MFSD8: variants seen among roughly 807,000 people sequenced by gnomAD.
MFSD8 encodes major facilitator superfamily domain containing 8, also known as major facilitator superfamily domain-containing protein 8.
Under a neutral mutation model 66.4 loss-of-function variants are expected in MFSD8, and 55 were observed. The observed-to-expected ratio is 0.83, with a 90% CI of 0.67 to 1.04. MFSD8 has a LOEUF of 1.04. Ranked by LOEUF, MFSD8 falls within the 50% of genes least tolerant of loss-of-function variation. The pLI is 0.00. For missense variants in MFSD8, 550 were observed against 627.6 expected (o/e 0.88, Z 1.32); for synonymous variants, 202 against 212.8 (o/e 0.95, Z 0.44).
chr4:127,927,278 C>T (rs1051219711), intron 9 of MFSD8, among the ~76,000 whole-genome samples: 1 of 152,126 alleles, frequency 6.6e-6, no homozygotes, highest in East Asian at 1.9e-4. Context: ...TGGGTTCAAG[C>T]GATTCTTGTG....
intron 7 of MFSD8, among the ~76,000 whole-genome samples, chr4:127,935,419 T>A (rs1218027092): frequency 6.6e-6 from 1 of 152,222 alleles, no homozygotes; most frequent in African/African-American, 2.4e-5. Flanking sequence ...CTAGATATCC[T>A]AATTACACAT....
At chr4:127,962,792 T>C (rs1744016573) in intron 1 of MFSD8, among the ~76,000 whole-genome samples, 1 of 152,232 alleles carries the variant, frequency 6.6e-6, no homozygotes, top group Non-Finnish European at 1.5e-5. Flanking sequence ...TAAACTCATT[T>C]TAATGATCTC....
intron 9 of MFSD8, among the ~76,000 whole-genome samples, chr4:127,923,361 CT>C (rs1268797047): frequency 1.3e-5 from 2 of 151,754 alleles, no homozygotes; most frequent in African/African-American, 4.8e-5. Flanking sequence ...TATCAAAGGC[CT>C]TTTCTGCATA....
intron 2 of MFSD8, among the ~76,000 whole-genome samples, chr4:127,953,113 A>G (rs1742280459): frequency 6.6e-6 from 1 of 152,134 alleles, no homozygotes; most frequent in South Asian, 2.1e-4. Flanking sequence ...TCATGGTCTA[A>G]GAGAAACTCT....
rs1393358784 is a variant in MFSD8, at chr4:127,919,917, T to C, written c.*713A>G. Reference sequence around the variant, plus strand: ...GCATTTGAAAGAAAGTAGGTATCCCTATTAGGCTAATAGGCAGTGAAGTAT... The same window carrying C: ...GCATTTGAAAGAAAGTAGGTATCCCCATTAGGCTAATAGGCAGTGAAGTAT... On this transcript the variant is annotated 3_prime_UTR_variant, in exon 12 of 12. Coordinates refer to ENST00000641686, the MANE Select transcript of MFSD8 (RefSeq NM_001371596.2). The C allele has an allele frequency of 2.0e-5, 3 of 152,272 alleles. No homozygotes were observed. The highest frequency in any genetic ancestry group is 2.9e-5 in the Non-Finnish European group (2 of 68,094). 9.4% of individuals were successfully genotyped at this position (152,272 alleles called of 1,614,324 possible).
intron 2 of MFSD8, among the ~76,000 whole-genome samples, chr4:127,951,330 A>G (rs931737895): frequency 6.6e-6 from 1 of 152,024 alleles, no homozygotes; most frequent in African/African-American, 2.4e-5. Context: ...CCTGGATTCA[A>G]GCGATTCTCC....
chr4:127,962,145 C>T (rs1450121193), intron 1 of MFSD8, among the ~76,000 whole-genome samples: 2 of 152,106 alleles, frequency 1.3e-5, no homozygotes, highest in East Asian at 1.9e-4. Context: ...AAAAAGCAGA[C>T]GTAAGTACTT....
intron 1 of MFSD8, among the ~76,000 whole-genome samples, chr4:127,963,618 C>T (rs901007180): frequency 6.6e-6 from 1 of 152,016 alleles, no homozygotes; most frequent in South Asian, 2.1e-4. Flanking sequence ...TGGAGTTGTT[C>T]GTTCCTCCCC....
chr4:127,946,407 G>C (rs1470719961), intron 3 of MFSD8, among the ~76,000 whole-genome samples: 1 of 152,088 alleles, frequency 6.6e-6, no homozygotes, highest in Non-Finnish European at 1.5e-5. Context: ...TATCTTTTTA[G>C]TAGAGAAGAC....
intron 6 of MFSD8, 145 bp downstream of exon 6, chr4:127,939,708 T>C: frequency 2.6e-6 from 2 of 755,900 alleles, no homozygotes; most frequent in Non-Finnish European, 4.1e-6. Flanking sequence ...TTACATGCTT[T>C]AGTACTACCT....
intron 1 of MFSD8, among the ~76,000 whole-genome samples, chr4:127,963,526 T>C (rs1744188939): frequency 6.6e-6 from 1 of 152,152 alleles, no homozygotes; most frequent in Non-Finnish European, 1.5e-5. Flanking sequence ...TTCTTCCTTC[T>C]GGTGGGTTCG....
chr4:127,943,390 G>GTTTT, intron 4 of MFSD8: 1 of 197,156 alleles, frequency 5.1e-6, no homozygotes, highest in Admixed American at 5.8e-5. Flanking sequence ...TTTGTTTTGG[G>GTTTT]TTTTTTTTTT....
intron 2 of MFSD8, among the ~76,000 whole-genome samples, chr4:127,952,842 C>T (rs1262701137): frequency 1.4e-5 from 2 of 145,646 alleles, no homozygotes; most frequent in Admixed American, 6.9e-5. Flanking sequence ...TGCACTTCAG[C>T]CTGGAAGACA....
At position 127,943,776 on chromosome 4, in the gene MFSD8, G is replaced by A. The variant is rs993001712; in HGVS notation, c.415C>T (p.Arg139Cys). The A allele has an allele frequency of 1.2e-6, 2 of 1,614,004 alleles. No individual in the cohort carries two copies. The highest frequency in any genetic ancestry group is 1.3e-5 in the African/African-American group (1 of 75,028). Residue 139 changes from arginine to cysteine, a missense_variant, in exon 4 of 12, where the codon CGT becomes TGT. Arg to Cys is a radical substitution (Grantham distance 180, BLOSUM62 -3). Coordinates refer to ENST00000641686, the MANE Select transcript of MFSD8 (RefSeq NM_001371596.2). ...SHNKYYMLVARGLLGIGAGNV... is the reference protein window; with the variant it reads ...SHNKYYMLVACGLLGIGAGNV... ...CCTGCTCCAATTCCCAACAATCCAC[G>A]AGCAACCAGCATGTAGTATTTATTA... is the stretch of plus-strand genomic sequence containing the variant.
intron 8 of MFSD8, among the ~76,000 whole-genome samples, chr4:127,932,088 G>T (rs917956493): frequency 2.0e-5 from 3 of 152,204 alleles, no homozygotes; most frequent in African/African-American, 7.2e-5. Context: ...TCCAGCCTGG[G>T]TGACAGAGTG....
chr4:127,944,351 T>C (rs1338687203), intron 3 of MFSD8, among the ~76,000 whole-genome samples: 1 of 152,194 alleles, frequency 6.6e-6, no homozygotes, highest in African/African-American at 2.4e-5. Context: ...AATAGAATTC[T>C]TTAGACTTAT....
chr4:127,957,424 G>A (rs1475378826), intron 2 of MFSD8, 77 bp downstream of exon 2: 37 of 1,023,018 alleles, frequency 3.6e-5, no homozygotes, highest in Non-Finnish European at 5.2e-5. Flanking sequence ...CAGAGGCAAT[G>A]AAAGTAAATG....
rs1736399058 is a variant in MFSD8, at chr4:127,921,931, A to C, written c.1031T>G (p.Leu344Arg). 1 of 1,614,096 alleles carries C rather than the reference A, an allele frequency of 6.2e-7. No individual in the cohort carries two copies. Among genetic ancestry groups the C allele is most frequent in the African/African-American group, 1.3e-5 (1 of 74,940 alleles). ...IGERAILLGG[L>R]IVVWVGFFIL... ...AAAGAAGCCAACCCATACAACGATG[A>C]GTCCTCCCAGTAGAATAGCACGCTC... The change falls in exon 10 of 12, where the codon CTC (leucine) becomes CGC (arginine). Residue 344 changes from leucine (L) to arginine (R), a missense_variant. Coordinates refer to ENST00000641686, the MANE Select transcript of MFSD8 (RefSeq NM_001371596.2).
At chr4:127,957,361 T>C in intron 2 of MFSD8, 140 bp downstream of exon 2, 2 of 657,348 alleles carry the variant, frequency 3.0e-6, no homozygotes, top group South Asian at 3.7e-5. Context: ...AACTTAGATA[T>C]GGTAACACGG....
Sources: gnomAD v4.1 joint callset for allele counts (sites outside exome capture counted in the v4.1 genomes callset) on GRCh38, gnomAD v4.1.1 for gene constraint, MANE v1.5 for transcripts, NCBI Gene and HGNC (gene_info 2026-07-23, HGNC 2026-07-21) for gene names.